The following IGF2R variants were observed in gnomAD, a reference collection of about 807,000 sequenced individuals.
IGF2R encodes the protein insulin like growth factor 2 receptor.
In IGF2R, 91 loss-of-function variants were observed where a neutral mutation model predicts 270.6. The observed-to-expected ratio is 0.34, with a 90% confidence interval of 0.28 to 0.40. IGF2R has a LOEUF of 0.40. Ranked by LOEUF, IGF2R falls within the 10% of genes least tolerant of loss-of-function variation. The pLI, the probability that IGF2R is intolerant of heterozygous loss-of-function variation, is 1.00. For missense variants in IGF2R, 2,805 were observed against 3,188.3 expected (o/e 0.88, Z 2.90); for synonymous variants, 1,316 against 1,258.9 (o/e 1.05, Z -0.96).
In IGF2R at chr6:160,047,321, C is replaced by A; in HGVS notation, c.2214C>A (p.Gly738=). The change falls in exon 16 of 48, where the codon GGC becomes GGA. Residue 738 remains glycine, a synonymous_variant. Transcript: ENST00000356956. ...TFLCDRDAGV[G]FPEYQEEDNS... ...TCTGTGATCGAGACGCGGGAGTGGG[C>A]TTCCCTGAATATCAGGTAGGAATGT... 3 of 1,595,914 alleles carry A rather than the reference C, an allele frequency of 1.9e-6. No homozygotes were observed. The highest frequency in any genetic ancestry group is 2.2e-5 in the South Asian group (2 of 89,364).
chr6:160,039,689 G>A lies in IGF2R; in HGVS notation c.1316-871G>A, dbSNP rs185613135. Reference sequence around the variant, plus strand: ...ATCACATGGTGGGAGGCTCAGACAAGGATTATGAAACCATCAGGGGTGGGA... The same window carrying A: ...ATCACATGGTGGGAGGCTCAGACAAAGATTATGAAACCATCAGGGGTGGGA... On this transcript the variant is annotated intron_variant, in intron 10 of 47. Transcript: ENST00000356956. 1.6e-4 allele frequency among the ~76,000 whole-genome samples: 24 copies of A among 152,300 alleles called. No homozygotes were observed. The East Asian group carries it at 3.7e-3, about 23-fold the overall frequency.
intron 2 of IGF2R, among the ~76,000 whole-genome samples, chr6:160,002,653 A>G (rs1260986041): frequency 2.0e-5 from 3 of 152,180 alleles, no homozygotes; most frequent in Non-Finnish European, 4.4e-5. Flanking sequence ...TGTCTGGCTT[A>G]ACAGTTAAAA....
chr6:160,012,870 G>A (rs924917008), intron 4 of IGF2R, among the ~76,000 whole-genome samples: 6 of 150,798 alleles, frequency 4.0e-5, no homozygotes, highest in Non-Finnish European at 8.9e-5. Context: ...CAGGTGATCC[G>A]CCTGCCTCGG....
In IGF2R at chr6:160,012,432, T is replaced by G. The variant is rs1784348478; in HGVS notation, c.513+1647T>G. ...GTTGTAAAGGAAGAATGGCAGCATC[T>G]GCATCTGGAGAAGCCTCAGGAAACT... is the stretch of plus-strand genomic sequence containing the variant. On this transcript the variant is annotated intron_variant, in intron 4 of 47. Transcript: ENST00000356956. Among the ~76,000 whole-genome samples the G allele has an allele frequency of 2.6e-5, 4 of 152,146 alleles. No individual in the cohort carries two copies. The South Asian group carries it at 8.3e-4, about 32-fold the overall frequency.
At chr6:159,972,694 G>A (rs1223280595) in intron 1 of IGF2R, among the ~76,000 whole-genome samples, 1 of 152,246 alleles carries the variant, frequency 6.6e-6, no homozygotes, top group Non-Finnish European at 1.5e-5. Flanking sequence ...AGCACTCCTG[G>A]GATGGGGTGC....
At chr6:160,038,866 C>A (rs1777881230) in intron 10 of IGF2R, among the ~76,000 whole-genome samples, 1 of 152,032 alleles carries the variant, frequency 6.6e-6, no homozygotes, top group Non-Finnish European at 1.5e-5. Flanking sequence ...AGAAAAAACC[C>A]CACAGTAGAG....
chr6:159,989,299 T>C (rs6903540), intron 1 of IGF2R, among the ~76,000 whole-genome samples: 14,080 of 151,966 alleles, frequency 0.093, 687 homozygotes, highest in Middle Eastern at 0.14. Context: ...TAGTTCAGGG[T>C]TGGGGAGGAG....
At chr6:160,006,345 G>C (rs996777020) in intron 2 of IGF2R, 2 of 153,038 alleles carry the variant, frequency 1.3e-5, no homozygotes, top group South Asian at 2.0e-4. Context: ...CCTCAGCACC[G>C]CTGAGCCCAC....
intron 1 of IGF2R, among the ~76,000 whole-genome samples, chr6:159,980,224 A>AAAGAAAGAAAGAAAGG (rs1783772029): frequency 9.2e-6 from 1 of 108,610 alleles, no homozygotes; most frequent in African/African-American, 3.7e-5. Flanking sequence ...AGAAAGAAAG[A>AAAGAAAGAAAGAAAGG]AAGAAAGAAA....
In IGF2R at chr6:160,104,945, G is replaced by A. The variant is rs139929954; in HGVS notation, c.7337G>A (p.Arg2446His). Residue 2446 changes from arginine (R) to histidine (H), a missense_variant, in exon 48 of 48, where the codon CGT becomes CAT. Arg to His is a conservative substitution (Grantham distance 29). Coordinates refer to ENST00000356956, the MANE Select transcript of IGF2R (RefSeq NM_000876.4). Reference protein sequence around the residue: ...RNAQSNALQEREDDRVGLVRG... With the variant: ...RNAQSNALQEHEDDRVGLVRG... ...GCACAGAGCAATGCCCTTCAGGAGCGTGAGGACGATAGGGTGGGGCTGGTC... is the reference window on the plus strand; with the variant it reads ...GCACAGAGCAATGCCCTTCAGGAGCATGAGGACGATAGGGTGGGGCTGGTC... The A allele has an allele frequency of 5.1e-5, 82 of 1,614,020 alleles. No homozygotes were observed. Among genetic ancestry groups the A allele is most frequent in the African/African-American group, 6.7e-5 (5 of 74,934 alleles).
At chr6:160,023,638 G>T (rs564415336) in intron 4 of IGF2R, among the ~76,000 whole-genome samples, 3 of 152,298 alleles carry the variant, frequency 2.0e-5, no homozygotes, top group African/African-American at 7.2e-5. Flanking sequence ...TTCATTCATG[G>T]TCATGCAAAG....
At chr6:160,085,958 C>A (rs1238506167) in intron 41 of IGF2R, among the ~76,000 whole-genome samples, 1 of 152,254 alleles carries the variant, frequency 6.6e-6, no homozygotes, top group Non-Finnish European at 1.5e-5. Flanking sequence ...TGCTGCCACT[C>A]CCACACTGCC....
rs781295935 is a variant in IGF2R, at chr6:160,009,119, G to T, written c.399G>T (p.Leu133=). The T allele has an allele frequency of 1.2e-6, 2 of 1,613,592 alleles. No individual in the cohort carries two copies. Among genetic ancestry groups the T allele is most frequent in the Admixed American group, 1.7e-5 (1 of 59,966 alleles). ...GAGTCCAGAGCAGCATTGCCTTCCT[G>T]TGTGGGAAAACCCTGGTGAGTCCAC... The part of the protein sequence containing the change: ...NHRVQSSIAF[L]CGKTLGTPEF... The change falls in exon 3 of 48, where the codon CTG becomes CTT. Residue 133 remains leucine, a synonymous_variant. Coordinates refer to ENST00000356956, the MANE Select transcript of IGF2R (RefSeq NM_000876.4).
chr6:159,980,847 A>T (rs1209435101), intron 1 of IGF2R, among the ~76,000 whole-genome samples: 2 of 152,218 alleles, frequency 1.3e-5, no homozygotes, highest in Non-Finnish European at 2.9e-5. Flanking sequence ...TTGGCCTCAG[A>T]CATCCACATG....
rs1451560412 is a variant in IGF2R at position 160,107,930 on chromosome 6, C to A, written c.*2846C>A. The A allele has an allele frequency of 6.6e-6, 1 of 152,198 alleles. No homozygotes were observed. The highest frequency in any genetic ancestry group is 1.5e-5 in the Non-Finnish European group (1 of 68,050). The allele number at this position is 152,198 out of a possible 1,614,324, so 9.4% of individuals were successfully genotyped here. A position where few individuals can be genotyped will look rare whatever the true frequency, so the allele number is the denominator to read the frequency against. ...CACCAGGCATTCCTACAAACAAGGA[C>A]CTTCACACGACTAAGATGCCACCTG... On this transcript the variant is annotated 3_prime_UTR_variant, in exon 48 of 48. Transcript: ENST00000356956.
chr6:160,030,386 C>T (rs1164710429), intron 7 of IGF2R, among the ~76,000 whole-genome samples: 1 of 152,178 alleles, frequency 6.6e-6, no homozygotes, highest in Non-Finnish European at 1.5e-5. Flanking sequence ...CACTCCCCTT[C>T]CCCCAAGCAA....
chr6:160,032,583 C>G lies in IGF2R; in HGVS notation c.915C>G (p.Asn305Lys). Residue 305 changes from asparagine (N) to lysine (K), a missense_variant, in exon 8 of 48, where the codon AAC becomes AAG. Asn to Lys is a moderately conservative substitution (Grantham distance 94). Around this residue, in one of 2 missense-constraint regions of IGF2R, gnomAD observed 954 missense variants for 981.1 expected, o/e 0.97. Coordinates refer to ENST00000356956, the MANE Select transcript of IGF2R (RefSeq NM_000876.4). ...GTIPKLTAKS[N>K]CRYEIEWITE... ...TTCCCAAACTCACAGCTAAATCCAACTGCCGCTATGAAATTGAGTGGATTA... is the reference window on the plus strand; with the variant it reads ...TTCCCAAACTCACAGCTAAATCCAAGTGCCGCTATGAAATTGAGTGGATTA... The G allele has an allele frequency of 6.2e-7, 1 of 1,614,104 alleles. No homozygotes were observed. The highest frequency in any genetic ancestry group is 1.3e-5 in the African/African-American group (1 of 75,058).
chr6:160,070,160 T>G, intron 31 of IGF2R, 102 bp downstream of exon 31: 8 of 1,155,418 alleles, frequency 6.9e-6, no homozygotes, highest in Non-Finnish European at 1.0e-5. Flanking sequence ...GGATGCGAGT[T>G]CTAGAGCCTG....
chr6:160,037,453 A>G (rs571351553), intron 10 of IGF2R, among the ~76,000 whole-genome samples: 121 of 152,328 alleles, frequency 7.9e-4, no homozygotes, highest in African/African-American at 2.8e-3. Context: ...TCTGTTTATT[A>G]GATAGATGTA....
Sources: gnomAD v4.1 joint callset for allele counts (sites outside exome capture counted in the v4.1 genomes callset) on GRCh38, gnomAD v4.1.1 for gene constraint, gnomAD v4.1.1 regional missense constraint, MANE v1.5 for transcripts, NCBI Gene and HGNC (gene_info 2026-07-23, HGNC 2026-07-21) for gene names.